Variants in CFAP44 observed in about 807,000 individuals in gnomAD.
CFAP44 encodes cilia- and flagella-associated protein 44.
Under a neutral mutation model 216.2 loss-of-function variants are expected in CFAP44, and 134 were observed. The observed-to-expected ratio is 0.62, with a 90% CI of 0.54 to 0.72. The LOEUF is 0.72. Among genes scored for constraint, CFAP44 ranks in the 30% least tolerant of loss-of-function variants. The probability of loss-of-function intolerance (pLI) is 0.00; values close to 1 mark genes in which losing one functional copy is unlikely to be tolerated. For synonymous variants in CFAP44, 700 were observed against 727.6 expected, an observed-to-expected ratio of 0.96 and a Z score of 0.61; for missense variants, 2,035 against 2,182.1, an observed-to-expected ratio of 0.93 and a Z score of 1.34.
chr3:113,401,540 G>T (rs1251549946), intron 10 of CFAP44, 44 bp downstream of exon 10: 2 of 1,602,552 alleles, frequency 1.2e-6, no homozygotes, highest in Non-Finnish European at 1.7e-6. Flanking sequence ...TTAATTTTTG[G>T]TCCATGTAAT....
intron 32 of CFAP44, among the ~76,000 whole-genome samples, chr3:113,298,036 G>A (rs1170016793): frequency 1.3e-5 from 2 of 152,220 alleles, no homozygotes; most frequent in East Asian, 1.9e-4. Context: ...CAAATGAAAC[G>A]ATGAATAGAT....
chr3:113,396,406 T>C, intron 14 of CFAP44, 112 bp downstream of exon 14: 2 of 1,189,596 alleles, frequency 1.7e-6, no homozygotes, highest in Admixed American at 5.3e-5. Flanking sequence ...AAAATGTGAA[T>C]ATATTGATAG....
At chr3:113,323,109 T>C (rs1331377542) in intron 28 of CFAP44, among the ~76,000 whole-genome samples, 2 of 152,112 alleles carry the variant, frequency 1.3e-5, no homozygotes, top group Non-Finnish European at 2.9e-5. Context: ...ATCCCTCCCA[T>C]ACATGTGGGG....
intron 22 of CFAP44, among the ~76,000 whole-genome samples, chr3:113,346,708 G>T (rs7621213): frequency 0.093 from 14,174 of 151,988 alleles, 884 homozygotes; most frequent in African/African-American, 0.17. Flanking sequence ...GGATTGTAAA[G>T]GCACCAATCC....
chr3:113,378,338 C>T (rs1444883212), intron 17 of CFAP44, among the ~76,000 whole-genome samples: 3 of 152,084 alleles, frequency 2.0e-5, no homozygotes, highest in East Asian at 1.9e-4. Context: ...AAAACACAGA[C>T]GACAGGCAGA....
At chr3:113,385,859 G>A (rs1933637302) in intron 15 of CFAP44, among the ~76,000 whole-genome samples, 1 of 149,978 alleles carries the variant, frequency 6.7e-6, no homozygotes, top group African/African-American at 2.5e-5. Flanking sequence ...GACCAGGCTT[G>A]TCTCAAACTC....
At chr3:113,297,575 A>G (rs1355795516) in intron 32 of CFAP44, among the ~76,000 whole-genome samples, 1 of 152,188 alleles carries the variant, frequency 6.6e-6, no homozygotes, top group Non-Finnish European at 1.5e-5. Flanking sequence ...ACATATTATC[A>G]GATGTGCTGT....
intron 12 of CFAP44, among the ~76,000 whole-genome samples, chr3:113,400,244 C>T (rs1934105579): frequency 6.6e-6 from 1 of 151,934 alleles, no homozygotes; most frequent in African/African-American, 2.4e-5. Flanking sequence ...ATAGATTTGC[C>T]ATAAGTTAAG....
rs898366774 is a variant in CFAP44 at position 113,406,857 on chromosome 3, A to C, written c.1005+70T>G. On this transcript the variant is annotated intron_variant, in intron 8 of 34. Transcript: ENST00000393845. The stretch of plus-strand genomic sequence containing the variant: ...ATTGGCAGAGCTTGTTAGAATTTTC[A>C]TATATGTGTGCTTTCATATATGTAC... 7.7e-6 allele frequency: 8 copies of C among 1,043,090 alleles called. No homozygotes were observed. The African/African-American group carries it at 1.3e-4, about 17-fold the overall frequency. The allele number at this position is 1,043,090 out of a possible 1,614,324, so 64.6% of individuals were successfully genotyped here. A position where few individuals can be genotyped will look rare whatever the true frequency, so the allele number is the denominator to read the frequency against.
At chr3:113,338,255 CAAAAAAAAAAAAAA>C (rs10574877) in intron 24 of CFAP44, among the ~76,000 whole-genome samples, 3 of 43,018 alleles carry the variant, frequency 7.0e-5, no homozygotes, top group East Asian at 8.1e-4. Context: ...GACAATGTCT[CAAAAAAAAAAAAAA>C]AAAAAAAAAA....
intron 28 of CFAP44, among the ~76,000 whole-genome samples, chr3:113,323,962 T>C (rs963418318): frequency 6.6e-6 from 1 of 150,528 alleles, no homozygotes; most frequent in African/African-American, 2.5e-5. Context: ...GAGAATCGCT[T>C]GAACCTAGGA....
intron 1 of CFAP44, among the ~76,000 whole-genome samples, chr3:113,438,627 T>G (rs1054457364): frequency 6.6e-6 from 1 of 152,196 alleles, no homozygotes; most frequent in Non-Finnish European, 1.5e-5. Flanking sequence ...ACTTAAATAT[T>G]TCGGGTAAGA....
At chr3:113,396,777 G>C in intron 13 of CFAP44, 50 bp from the exon 14 acceptor site, 1 of 1,543,492 alleles carries the variant, frequency 6.5e-7, no homozygotes, top group South Asian at 1.1e-5. Flanking sequence ...AATTGAGAAA[G>C]TTGTACTATA....
chr3:113,336,759 G>A, intron 24 of CFAP44, among the ~76,000 whole-genome samples: 1 of 151,770 alleles, frequency 6.6e-6, no homozygotes, highest in Non-Finnish European at 1.5e-5. Context: ...TGACAGAAAT[G>A]GGCAGCATGG....
chr3:113,406,385 G>A (rs1412588766), intron 8 of CFAP44, among the ~76,000 whole-genome samples: 2 of 152,142 alleles, frequency 1.3e-5, no homozygotes, highest in African/African-American at 4.8e-5. Context: ...AAATATTTGG[G>A]AGGCCGAGGT....
At chr3:113,404,398 G>T (rs1020977308) in intron 8 of CFAP44, among the ~76,000 whole-genome samples, 1 of 152,064 alleles carries the variant, frequency 6.6e-6, no homozygotes, top group Non-Finnish European at 1.5e-5. Flanking sequence ...AACTTGTAAG[G>T]CCAGTACTGA....
intron 18 of CFAP44, among the ~76,000 whole-genome samples, chr3:113,368,831 G>A (rs1009614458): frequency 3.9e-5 from 6 of 152,176 alleles, no homozygotes; most frequent in African/African-American, 1.4e-4. Context: ...TCAGTGTGCT[G>A]TATCCAGGAG....
intron 6 of CFAP44, among the ~76,000 whole-genome samples, chr3:113,413,137 T>G (rs2107380341): frequency 6.6e-6 from 1 of 152,332 alleles, no homozygotes; most frequent in East Asian, 1.9e-4. Context: ...ATGTTGAGCT[T>G]TTTTTCATAT....
chr3:113,370,696 G>A (rs1161634295), intron 18 of CFAP44, among the ~76,000 whole-genome samples: 6 of 152,110 alleles, frequency 3.9e-5, no homozygotes, highest in Non-Finnish European at 8.8e-5. Context: ...CTCTCACCAT[G>A]CCTATTCAAC....
Sources: allele counts gnomAD v4.1 joint callset (sites outside exome capture counted in the v4.1 genomes callset), GRCh38; gene constraint gnomAD v4.1.1; transcripts MANE v1.5; gene names NCBI Gene and HGNC (gene_info 2026-07-23, HGNC 2026-07-21).